DLGAP2: variants seen among roughly 807,000 people sequenced by gnomAD.
The protein encoded by DLGAP2 is DLG associated protein 2.
DLGAP2 carries 26 observed loss-of-function variants against 100.3 expected under a neutral mutation model. The observed-to-expected ratio is 0.26, with a 90% CI of 0.19 to 0.36. The LOEUF is 0.36. Among genes scored for constraint, DLGAP2 ranks in the 10% least tolerant of loss-of-function variants. The probability of loss-of-function intolerance (pLI) is 1.00; values close to 1 mark genes in which losing one functional copy is unlikely to be tolerated. For missense variants in DLGAP2, 1,858 were observed against 1,453.2 expected, an observed-to-expected ratio of 1.28 and a Z score of -4.53; for synonymous variants, 886 against 630.1, an observed-to-expected ratio of 1.41 and a Z score of -6.08.
At chr8:1,391,480 G>C (rs1217584539) in intron 3 of DLGAP2, among the ~76,000 whole-genome samples, 1 of 152,168 alleles carries the variant, frequency 6.6e-6, no homozygotes, top group Non-Finnish European at 1.5e-5. Context: ...AGTGAGGGAT[G>C]ATGAAAAATG....
At chr8:1,172,356 T>C (rs1290729181) in intron 2 of DLGAP2, among the ~76,000 whole-genome samples, 1 of 151,764 alleles carries the variant, frequency 6.6e-6, no homozygotes, top group Non-Finnish European at 1.5e-5. Context: ...CTGACCATTA[T>C]GTGTCTTGGA....
At chr8:1,168,018 C>A (rs1342600947) in intron 2 of DLGAP2, among the ~76,000 whole-genome samples, 4 of 145,366 alleles carry the variant, frequency 2.8e-5, no homozygotes, top group African/African-American at 1.0e-4. Context: ...TCTCCCATTG[C>A]TATCCCTCCC....
intron 2 of DLGAP2, among the ~76,000 whole-genome samples, chr8:1,012,948 CAG>C (rs749839308): frequency 7.9e-5 from 12 of 152,156 alleles, no homozygotes; most frequent in Non-Finnish European, 1.5e-4. Flanking sequence ...TCTCTGCAAA[CAG>C]AGGGGGTCCC....
At chr8:870,279 C>A (rs1415401495) in intron 1 of DLGAP2, among the ~76,000 whole-genome samples, 1 of 152,156 alleles carries the variant, frequency 6.6e-6, no homozygotes, top group African/African-American at 2.4e-5. Context: ...TACAATCATG[C>A]AGATGATGCT....
At chr8:1,690,758 T>C (rs1033476539) in intron 12 of DLGAP2, among the ~76,000 whole-genome samples, 11 of 146,426 alleles carry the variant, frequency 7.5e-5, no homozygotes, top group African/African-American at 2.5e-4. Context: ...AATAAAGTCA[T>C]TGCAATTAGG....
At chr8:882,761 C>T (rs1007908683) in intron 1 of DLGAP2, among the ~76,000 whole-genome samples, 4 of 151,076 alleles carry the variant, frequency 2.6e-5, no homozygotes, top group South Asian at 4.2e-4. Flanking sequence ...GGTACCTCTC[C>T]CTGCGGAGGC....
At chr8:923,034 G>T (rs1008996941) in intron 2 of DLGAP2, among the ~76,000 whole-genome samples, 2 of 152,084 alleles carry the variant, frequency 1.3e-5, no homozygotes, top group African/African-American at 4.8e-5. Flanking sequence ...ACACTCGGGT[G>T]TGTGTTGATT....
At position 1,144,183 on chromosome 8, in the gene DLGAP2, G is replaced by A. The variant is rs569315587; in HGVS notation, c.74-114668G>A. On this transcript the variant is annotated intron_variant, in intron 2 of 14. Coordinates refer to ENST00000637795, the MANE Select transcript of DLGAP2 (RefSeq NM_001346810.2). ...AGAAAGGAGGGGAATGGCTTCCAGC[G>A]GGCGCGTTTTCACCGCCCTGTGCTG... Among the ~76,000 whole-genome samples the A allele has an allele frequency of 5.9e-5, 9 of 152,344 alleles. No individual in the cohort carries two copies. The East Asian group carries it at 9.6e-4, about 16-fold the overall frequency.
intron 3 of DLGAP2, among the ~76,000 whole-genome samples, chr8:1,347,684 T>C (rs186724684): frequency 1.3e-4 from 19 of 150,928 alleles, no homozygotes; most frequent in Non-Finnish European, 2.7e-4. Flanking sequence ...TCATGGTAAC[T>C]GTCTGGAGGC....
intron 2 of DLGAP2, among the ~76,000 whole-genome samples, chr8:1,201,213 G>A (rs1263013038): frequency 6.6e-6 from 1 of 152,210 alleles, no homozygotes; most frequent in African/African-American, 2.4e-5. Flanking sequence ...CTCGAGAGAC[G>A]CAGAACCAGG....
At chr8:965,133 G>T (rs1242945138) in intron 2 of DLGAP2, among the ~76,000 whole-genome samples, 1 of 142,026 alleles carries the variant, frequency 7.0e-6, no homozygotes, top group Non-Finnish European at 1.5e-5. Context: ...GCATGCACAC[G>T]GCGCTGTTCA....
chr8:1,300,186 C>T (rs754069478), intron 3 of DLGAP2: 1 of 152,198 alleles, frequency 6.6e-6, no homozygotes, highest in African/African-American at 2.4e-5. Context: ...TGTTCAAAGC[C>T]AATAGCACCG....
Position 1,033,644 on chromosome 8 carries a change from G to A in DLGAP2, c.73+125678G>A, listed in dbSNP as rs916080198. Among the ~76,000 whole-genome samples, 3 of 152,192 alleles carry A rather than the reference G, an allele frequency of 2.0e-5. No homozygotes were observed. The South Asian group carries it at 6.2e-4, about 31-fold the overall frequency. Reference sequence around the variant, plus strand: ...GGTTACACTCTGCACTCCAGCCTGGGTGACAGAGGGAGACCGTGTTACCCC... The same window carrying A: ...GGTTACACTCTGCACTCCAGCCTGGATGACAGAGGGAGACCGTGTTACCCC... On this transcript the variant is annotated intron_variant, in intron 2 of 14. Transcript: ENST00000637795.
rs935662650 is a variant in DLGAP2, at chr8:837,965, G to C, written c.19-69947G>C. Among the ~76,000 whole-genome samples the C allele has an allele frequency of 3.3e-5, 5 of 149,408 alleles. No homozygotes were observed. In the East Asian group the frequency reaches 1.0e-3, roughly 30 times the overall value. On this transcript the variant is annotated intron_variant, in intron 1 of 14. Coordinates refer to ENST00000637795, the MANE Select transcript of DLGAP2 (RefSeq NM_001346810.2). ...GGCCAGGCTGCTCCTGAGCTCAAGT[G>C]ATCTGCCTGCCTTGGCCTCCCAAAG...
At chr8:1,027,341 A>G (rs1054934298) in intron 2 of DLGAP2, among the ~76,000 whole-genome samples, 4 of 146,290 alleles carry the variant, frequency 2.7e-5, no homozygotes, top group African/African-American at 1.0e-4. Context: ...CCCATTCTCC[A>G]GGTGTGGTAC....
chr8:1,144,408 G>A (rs899111233), intron 2 of DLGAP2, among the ~76,000 whole-genome samples: 17 of 152,244 alleles, frequency 1.1e-4, no homozygotes, highest in African/African-American at 4.1e-4. Context: ...TCCAGAAGCT[G>A]TGAAGACGGT....
chr8:900,274 C>T (rs1017646148), intron 1 of DLGAP2, among the ~76,000 whole-genome samples: 2 of 149,146 alleles, frequency 1.3e-5, no homozygotes, highest in Non-Finnish European at 3.0e-5. Flanking sequence ...CGGCGCCATC[C>T]TGTTCACGGC....
chr8:1,196,973 A>C (rs1797765130), intron 2 of DLGAP2, among the ~76,000 whole-genome samples: 1 of 152,180 alleles, frequency 6.6e-6, no homozygotes, highest in Non-Finnish European at 1.5e-5. Flanking sequence ...CAGGGAAGCC[A>C]GAGGTGTGAT....
At chr8:1,260,989 C>T (rs1461621523) in intron 3 of DLGAP2, among the ~76,000 whole-genome samples, 1 of 152,222 alleles carries the variant, frequency 6.6e-6, no homozygotes, top group Non-Finnish European at 1.5e-5. Flanking sequence ...CACATACTGT[C>T]GGCTCCCAGC....
Sources: gnomAD v4.1 joint callset for allele counts (sites outside exome capture counted in the v4.1 genomes callset) on GRCh38, gnomAD v4.1.1 for gene constraint, MANE v1.5 for transcripts, NCBI Gene and HGNC (gene_info 2026-07-23, HGNC 2026-07-21) for gene names.